The following SYVN1 variants were observed in gnomAD, a reference collection of about 807,000 sequenced individuals.
SYVN1 encodes the protein E3 ubiquitin-protein ligase synoviolin.
In SYVN1, 17 loss-of-function variants were observed where a neutral mutation model predicts 62.6. The observed-to-expected ratio is 0.27, with a 90% confidence interval of 0.19 to 0.41. The LOEUF is 0.41. Among genes scored for constraint, SYVN1 ranks in the 10% least tolerant of loss-of-function variants. SYVN1 has a pLI of 1.00. For synonymous variants in SYVN1, 316 were observed against 304.0 expected (o/e 1.04, Z -0.41); for missense variants, 634 against 818.0 (o/e 0.78, Z 2.74).
intron 6 of SYVN1, among the ~76,000 whole-genome samples, 195 bp downstream of exon 6, chr11:65,132,053 C>T (rs1948187260): frequency 6.6e-6 from 1 of 152,204 alleles, no homozygotes; most frequent in African/African-American, 2.4e-5. Context: ...CTCCTCTGTC[C>T]TAGCCTCTTT....
At chr11:65,130,492 GCA>G in intron 11 of SYVN1, 113 bp from the exon 12 acceptor site, 1 of 1,411,886 alleles carries the variant, frequency 7.1e-7, no homozygotes, top group South Asian at 1.5e-5. Context: ...CCTCAGCCCA[GCA>G]CTGGTCACAC....
Position 65,127,281 on chromosome 11 carries a change from G to A in SYVN1, c.*1101C>T. 1 of 455,958 alleles carries A rather than the reference G, an allele frequency of 2.2e-6. No individual in the cohort carries two copies. The highest frequency in any genetic ancestry group is 3.9e-6 in the Non-Finnish European group (1 of 258,102). The allele number at this position is 455,958 out of a possible 1,614,324, so 28.2% of individuals were successfully genotyped here. A position where few individuals can be genotyped will look rare whatever the true frequency, so the allele number is the denominator to read the frequency against. On this transcript the variant is annotated 3_prime_UTR_variant, in exon 16 of 16. Coordinates refer to ENST00000377190, the MANE Select transcript of SYVN1 (RefSeq NM_172230.3). ...TTCTGTGACACAAACCCCACCAATT[G>A]TTAATGCAAGTTTTTATTTGGCTGT...
At chr11:65,131,654 A>G in intron 6 of SYVN1, 58 bp from the exon 7 acceptor site, 1 of 1,592,316 alleles carries the variant, frequency 6.3e-7, no homozygotes, top group Non-Finnish European at 8.5e-7. Flanking sequence ...TGCTGCACCC[A>G]CATTGCTCCC....
At position 65,128,710 on chromosome 11, in the gene SYVN1, GGGGCCTGGGAAGAGAAGGGACGAGAGGC is replaced by G; in HGVS notation, c.1596-24_1599del. 6.2e-7 allele frequency: 1 copy of G among 1,606,994 alleles called. No individual in the cohort carries two copies. The highest frequency in any genetic ancestry group is 8.5e-7 in the Non-Finnish European group (1 of 1,176,642). On this transcript the variant is annotated splice_acceptor_variant and splice_polypyrimidine_tract_variant and coding_sequence_variant and intron_variant, in exon 15 of 16. Transcript: ENST00000377190. LOFTEE classifies it high-confidence loss of function. ...GAGTTGACTGAAGTGGCAGGCCGGG[GGGGCCTGGGAAGAGAAGGGACGAGAGGC>G]GGGCCTGGCCTTGGCATCCAAGGTT...
chr11:65,130,692 T>C lies in SYVN1; in HGVS notation c.1073A>G (p.His358Arg), dbSNP rs756191256. The C allele has an allele frequency of 2.8e-6, 1 of 352,682 alleles. No homozygotes were observed. 21.8% of individuals were successfully genotyped at this position (352,682 alleles called of 1,614,324 possible). ...PADQGPPPAPHPPPLLPQPPN... is the reference protein window; with the variant it reads ...PADQGPPPAPRPPPLLPQPPN... ...GGGCTGAGGCAAGAGTGGTGGGGGG[T>C]GGGGGGCAGGGGGTGGCCCCTGATC... Residue 358 changes from histidine (H) to arginine (R), a missense_variant, in exon 11 of 16, where the codon CAC becomes CGC. His to Arg is a conservative substitution (Grantham distance 29, BLOSUM62 0). This residue lies in a region of SYVN1 where 351 missense variants were observed against 373.3 expected (regional missense o/e 0.94). Coordinates refer to ENST00000377190, the MANE Select transcript of SYVN1 (RefSeq NM_172230.3).
At position 65,132,273 on chromosome 11, in the gene SYVN1, G is replaced by A. The variant is rs1267030878; in HGVS notation, c.506C>T (p.Ser169Phe). 1 of 1,613,978 alleles carries A rather than the reference G, an allele frequency of 6.2e-7. No homozygotes were observed. The highest frequency in any genetic ancestry group is 2.2e-5 in the East Asian group (1 of 44,892). ...AYHSILTRGA[S>F]VQLVFGFEYA... ...CTCAAAGCCAAACACCAGCTGCACA[G>A]AGGCCCCACGGGTCAGGATGCTGTG... Residue 169 changes from serine to phenylalanine, a missense_variant, in exon 6 of 16, where the codon TCT (serine) becomes TTT (phenylalanine). Around this residue, in one of 2 missense-constraint regions of SYVN1, gnomAD observed 283 missense variants for 444.7 expected, o/e 0.64. Coordinates refer to ENST00000377190, the MANE Select transcript of SYVN1 (RefSeq NM_172230.3).
In SYVN1 at chr11:65,129,930, G is replaced by A; in HGVS notation, c.1409-15C>T. 6.2e-7 allele frequency: 1 copy of A among 1,611,668 alleles called. No homozygotes were observed. Among genetic ancestry groups the A allele is most frequent in the African/African-American group, 1.3e-5 (1 of 75,032 alleles). On this transcript the variant is annotated splice_polypyrimidine_tract_variant and intron_variant, in intron 13 of 15. Coordinates refer to ENST00000377190, the MANE Select transcript of SYVN1 (RefSeq NM_172230.3). ...TGGGGGGAAGGCTGGAGAGAGAGAG[G>A]CTCAGTCTGGGCTGCTGGGGCCAGA...
chr11:65,130,098 A>G lies in SYVN1; in HGVS notation c.1312T>C (p.Ser438Pro). 6.2e-7 allele frequency: 1 copy of G among 1,611,454 alleles called. No individual in the cohort carries two copies. Among genetic ancestry groups the G allele is most frequent in the Non-Finnish European group, 8.5e-7 (1 of 1,178,662 alleles). ...TSATAASATA[S>P]GPGSGSAPEA... Reference sequence around the variant, plus strand: ...GGGGCAGAGCCAGAGCCTGGGCCAGATGCTGTGGCAGAAGCAGCAGTAGCA... The same window carrying G: ...GGGGCAGAGCCAGAGCCTGGGCCAGGTGCTGTGGCAGAAGCAGCAGTAGCA... The change falls in exon 13 of 16, where the codon TCT (serine) becomes CCT (proline). Residue 438 changes from serine (S) to proline (P), a missense_variant. Ser to Pro is a moderately conservative substitution (Grantham distance 74). This residue lies in a region of SYVN1 where 351 missense variants were observed against 373.3 expected (regional missense o/e 0.94). Transcript: ENST00000377190.
rs1948149402 is a variant in SYVN1 at position 65,129,724 on chromosome 11, C to T, written c.1595+5G>A. Reference sequence around the variant, plus strand: ...ACCCACTCTGCTTCCCCTGTACAGACACACCCCAAGGAGGCCAGCACGGTG... The same window carrying T: ...ACCCACTCTGCTTCCCCTGTACAGATACACCCCAAGGAGGCCAGCACGGTG... On this transcript the variant is annotated splice_donor_5th_base_variant and intron_variant, in intron 14 of 15. Transcript: ENST00000377190. 1 of 1,613,836 alleles carries T rather than the reference C, an allele frequency of 6.2e-7. No individual in the cohort carries two copies. Among genetic ancestry groups the T allele is most frequent in the Non-Finnish European group, 8.5e-7 (1 of 1,179,842 alleles).
Position 65,133,024 on chromosome 11 carries a change from G to A in SYVN1, c.276C>T (p.Phe92=), listed in dbSNP as rs1275333561. The stretch of plus-strand genomic sequence containing the variant: ...GGCTGAAGTCATCCCGAAAAACGGT[G>A]AAGGCCAGACAAGTCTCTGTGACGG... ...WYAVTETCLA[F]TVFRDDFSPR... Residue 92 remains phenylalanine (F), a synonymous_variant, in exon 4 of 16, where the codon TTC becomes TTT. Transcript: ENST00000377190. The A allele has an allele frequency of 6.2e-7, 1 of 1,614,238 alleles. No individual in the cohort carries two copies. Among genetic ancestry groups the A allele is most frequent in the South Asian group, 1.1e-5 (1 of 91,090 alleles).
At position 65,132,289 on chromosome 11, in the gene SYVN1, G is replaced by A; in HGVS notation, c.490C>T (p.Leu164=). 2 of 1,614,156 alleles carry A rather than the reference G, an allele frequency of 1.2e-6. No individual in the cohort carries two copies. Among genetic ancestry groups the A allele is most frequent in the Middle Eastern group, 1.6e-4 (1 of 6,062 alleles). Residue 164 remains leucine (L), a synonymous_variant, in exon 6 of 16, where the codon CTG becomes TTG. Transcript: ENST00000377190. ...AGCTGCACAGAGGCCCCACGGGTCAGGATGCTGTGATAGGCGTGGCTGACG... is the reference window on the plus strand; with the variant it reads ...AGCTGCACAGAGGCCCCACGGGTCAAGATGCTGTGATAGGCGTGGCTGACG... ...LFVSHAYHSI[L]TRGASVQLVF...
In SYVN1 at chr11:65,133,596, G is replaced by C. The variant is rs1471950263; in HGVS notation, c.6C>G (p.Phe2Leu). 1.9e-6 allele frequency: 3 copies of C among 1,609,760 alleles called. No homozygotes were observed. The highest frequency in any genetic ancestry group is 2.5e-6 in the Non-Finnish European group (3 of 1,179,956). Residue 2 changes from phenylalanine to leucine, a missense_variant, in exon 2 of 16, where the codon TTC becomes TTG. Physicochemically the swap from Phe to Leu is conservative, Grantham distance 22. This residue lies in a region of SYVN1 where 283 missense variants were observed against 444.7 expected (regional missense o/e 0.64). Transcript: ENST00000377190. Reference protein sequence around the residue: MFRTAVMMAASL... With the variant: MLRTAVMMAASL... ...TGGCCGCCATCATCACTGCCGTGCG[G>C]AACATTGCCCTGGCCCGGAGACCTG...
chr11:65,132,180 T>C, intron 6 of SYVN1, 68 bp downstream of exon 6: 8 of 1,242,980 alleles, frequency 6.4e-6, no homozygotes, highest in Middle Eastern at 1.9e-4. Context: ...GAAGGGTCTG[T>C]TGGGTTATTC....
In SYVN1 at chr11:65,130,122, C is replaced by T; in HGVS notation, c.1288G>A (p.Ala430Thr). The T allele has an allele frequency of 9.3e-6, 15 of 1,610,930 alleles. No homozygotes were observed. The highest frequency in any genetic ancestry group is 1.3e-5 in the Non-Finnish European group (15 of 1,178,144). The stretch of plus-strand genomic sequence containing the variant: ...GATGCTGTGGCAGAAGCAGCAGTAG[C>T]ACTGGTGCCAGCAGCTGTGGTTGTA... ...AATTTAAGTS[A>T]TAASATASGP... Residue 430 changes from alanine to threonine, a missense_variant, in exon 13 of 16, where the codon GCT (alanine) becomes ACT (threonine). Around this residue, in one of 2 missense-constraint regions of SYVN1, gnomAD observed 351 missense variants for 373.3 expected, o/e 0.94. Transcript: ENST00000377190.
At chr11:65,132,581 G>A (rs1370653469) in intron 5 of SYVN1, 151 bp downstream of exon 5, 2 of 1,007,740 alleles carry the variant, frequency 2.0e-6, no homozygotes, top group Non-Finnish European at 3.1e-6. Flanking sequence ...AGGCAGTTGA[G>A]AAGCCCTAGA....
intron 5 of SYVN1, 183 bp downstream of exon 5, chr11:65,132,549 G>T: frequency 1.2e-6 from 1 of 828,674 alleles, no homozygotes; most frequent in Non-Finnish European, 2.0e-6. Context: ...CTGCAGGTGA[G>T]AAGGCAAAGG....
chr11:65,130,738 G>A lies in SYVN1; in HGVS notation c.1027C>T (p.Pro343Ser), dbSNP rs760643852. The A allele has an allele frequency of 1.1e-5, 17 of 1,530,668 alleles. No homozygotes were observed. The South Asian group carries it at 1.2e-4, about 10-fold the overall frequency. 94.8% of individuals were successfully genotyped at this position (1,530,668 alleles called of 1,614,324 possible). ...VLRASLPAQS[P>S]PPPEPADQGP... ...TGATCCGCAGGCTCCGGGGGTGGTGGTGACTGCGCTGGCAGCGATGCACGA... is the reference window on the plus strand; with the variant it reads ...TGATCCGCAGGCTCCGGGGGTGGTGATGACTGCGCTGGCAGCGATGCACGA... Residue 343 changes from proline (P) to serine (S), a missense_variant, in exon 11 of 16, where the codon CCA becomes TCA. Transcript: ENST00000377190.
rs1346227866 is a variant in SYVN1, at chr11:65,131,277, A to G, written c.755T>C (p.Met252Thr). The change falls in exon 8 of 16, where the codon ATG becomes ACG. Residue 252 changes from methionine to threonine, a missense_variant. By Grantham distance (81) the Met-to-Thr change is moderately conservative. Around this residue, in one of 2 missense-constraint regions of SYVN1, gnomAD observed 283 missense variants for 444.7 expected, o/e 0.64. Coordinates refer to ENST00000377190, the MANE Select transcript of SYVN1 (RefSeq NM_172230.3). ...CGGGGGACAGGGCCGGGCTCACCTCATGGCCAGGTACATGGGCCGGATGGC... is the reference window on the plus strand; with the variant it reads ...CGGGGGACAGGGCCGGGCTCACCTCGTGGCCAGGTACATGGGCCGGATGGC... ...LFAIRPMYLAMRQFKKAVTDA... is the reference protein window; with the variant it reads ...LFAIRPMYLATRQFKKAVTDA... 6 of 1,613,964 alleles carry G rather than the reference A, an allele frequency of 3.7e-6. No homozygotes were observed. The highest frequency in any genetic ancestry group is 5.1e-6 in the Non-Finnish European group (6 of 1,179,878).
Position 65,129,871 on chromosome 11 carries a change from T to A in SYVN1, c.1453A>T (p.Thr485Ser). ...TCCAGAGCTCGTAGCTCCTCTGGGG[T>A]CAGCCCAGCAAAGCCCGCAGGGGGC... is the stretch of plus-strand genomic sequence containing the variant. Reference protein sequence around the residue: ...PVPPAGFAGLTPEELRALEGH... With the variant: ...PVPPAGFAGLSPEELRALEGH... Residue 485 changes from threonine to serine, a missense_variant, in exon 14 of 16, where the codon ACC becomes TCC. By Grantham distance (58) the Thr-to-Ser change is moderately conservative. Transcript: ENST00000377190. 6.2e-7 allele frequency: 1 copy of A among 1,613,804 alleles called. No homozygotes were observed. The highest frequency in any genetic ancestry group is 8.5e-7 in the Non-Finnish European group (1 of 1,179,992).
Sources: allele counts gnomAD v4.1 joint callset (sites outside exome capture counted in the v4.1 genomes callset), GRCh38; gene constraint gnomAD v4.1.1; regional missense constraint gnomAD v4.1.1; transcripts MANE v1.5; gene names NCBI Gene and HGNC (gene_info 2026-07-23, HGNC 2026-07-21).